The following IL7 variants were observed in gnomAD, a reference collection of about 807,000 sequenced individuals.
The protein encoded by IL7 is interleukin-7.
Under a neutral mutation model 21.6 loss-of-function variants are expected in IL7, and 3 were observed. The ratio of observed to expected loss-of-function variants is 0.14; its 90% CI spans 0.06 to 0.36. The LOEUF is 0.36. Among genes scored for constraint, IL7 ranks in the 10% least tolerant of loss-of-function variants. IL7 has a pLI of 1.00. For missense variants in IL7, 175 were observed against 200.2 expected, an observed-to-expected ratio of 0.87 and a Z score of 0.76; for synonymous variants, 62 against 68.1, an observed-to-expected ratio of 0.91 and a Z score of 0.44.
At chr8:78,774,639 T>C (rs1813071866) in intron 2 of IL7, among the ~76,000 whole-genome samples, 1 of 152,160 alleles carries the variant, frequency 6.6e-6, no homozygotes, top group African/African-American at 2.4e-5. Flanking sequence ...GCGTGTTTTC[T>C]AATACATGTC....
chr8:78,759,216 C>CTT (rs3071074), intron 2 of IL7, among the ~76,000 whole-genome samples: 16,523 of 131,814 alleles, frequency 0.13, 1,388 homozygotes, highest in African/African-American at 0.25. Flanking sequence ...CTGCTGGGTT[C>CTT]TTTTTTTTTT....
intron 4 of IL7, among the ~76,000 whole-genome samples, chr8:78,683,416 C>A (rs1402170021): frequency 6.6e-6 from 1 of 152,236 alleles, no homozygotes; most frequent in African/African-American, 2.4e-5. Flanking sequence ...GTGGGCTCAA[C>A]ACCATGTGGA....
At chr8:78,777,854 A>C (rs72661374) in intron 2 of IL7, among the ~76,000 whole-genome samples, 9,746 of 152,082 alleles carry the variant, frequency 0.064, 340 homozygotes, top group Middle Eastern at 0.092. Context: ...TTAATTCTAC[A>C]CTGCTGCAGT....
intron 1 of IL7, among the ~76,000 whole-genome samples, chr8:78,798,797 G>T (rs1466297032): frequency 1.3e-5 from 2 of 151,922 alleles, no homozygotes; most frequent in Non-Finnish European, 2.9e-5. Flanking sequence ...TGTATTTTGG[G>T]ACTACTCTCC....
At chr8:78,741,693 C>T (rs977236373) in intron 2 of IL7, among the ~76,000 whole-genome samples, 6 of 152,072 alleles carry the variant, frequency 3.9e-5, no homozygotes, top group Non-Finnish European at 8.8e-5. Flanking sequence ...TATTTTTTAC[C>T]TAATGCTTGA....
At chr8:78,689,341 A>C in intron 3 of IL7, 1 of 1,599,492 alleles carries the variant, frequency 6.3e-7, no homozygotes. Flanking sequence ...TTCTACAGAT[A>C]CCAAAGGAAA....
chr8:78,774,616 C>A (rs1169266249), intron 2 of IL7, among the ~76,000 whole-genome samples: 1 of 152,016 alleles, frequency 6.6e-6, no homozygotes, highest in East Asian at 1.9e-4. Context: ...ATTTAACTTA[C>A]ACCCATAACA....
chr8:78,775,383 A>G (rs1413213866), intron 2 of IL7, among the ~76,000 whole-genome samples: 2 of 152,122 alleles, frequency 1.3e-5, no homozygotes, highest in African/African-American at 2.4e-5. Flanking sequence ...TTATTATGGA[A>G]TTCATCCAGG....
chr8:78,732,152 T>C (rs1478706838), downstream of IL7, among the ~76,000 whole-genome samples: 4 of 152,092 alleles, frequency 2.6e-5, no homozygotes, highest in Non-Finnish European at 5.9e-5. Context: ...GAAAAGTCCA[T>C]CTGAAGAAAG....
intron 3 of IL7, among the ~76,000 whole-genome samples, chr8:78,690,270 T>C (rs77501914): frequency 0.037 from 5,630 of 152,302 alleles, 316 homozygotes; most frequent in African/African-American, 0.13. Flanking sequence ...TTTAAAATTT[T>C]CTTTGGCAGC....
chr8:78,742,157 CAA>C lies in IL7; in HGVS notation c.148-2077_148-2076del, dbSNP rs35093575. On this transcript the variant is annotated intron_variant, in intron 2 of 5. Transcript: ENST00000263851. ...TGAAACCCCATCTCTACTAAAAATA[CAA>C]AAAAAAAAAAAAAAATTAGCCGGGT... Among the ~76,000 whole-genome samples, 149 of 123,544 alleles carry C rather than the reference CAA, an allele frequency of 1.2e-3. 1 individual carries two copies. The East Asian group carries it at 0.015, about 12-fold the overall frequency. The allele number at this position is 123,544 out of a possible 152,430, so 81.0% of individuals were successfully genotyped here.
intron 2 of IL7, among the ~76,000 whole-genome samples, chr8:78,782,701 G>A (rs1813378143): frequency 6.6e-6 from 1 of 152,098 alleles, no homozygotes; most frequent in South Asian, 2.1e-4. Context: ...CAGGAGAACA[G>A]GATCAAAGAC....
At chr8:78,763,537 A>G (rs555785338) in intron 2 of IL7, among the ~76,000 whole-genome samples, 1 of 152,342 alleles carries the variant, frequency 6.6e-6, no homozygotes, top group South Asian at 2.1e-4. Flanking sequence ...ATAAACAAAT[A>G]TTATGAGCAA....
chr8:78,741,670 T>C (rs1203607149), intron 2 of IL7, among the ~76,000 whole-genome samples: 1 of 152,230 alleles, frequency 6.6e-6, no homozygotes, highest in Non-Finnish European at 1.5e-5. Context: ...AAGATAATGT[T>C]ATACCAGTTG....
rs185437180 is a variant in IL7, at chr8:78,686,679, A to G, written n.215-732T>C. ...AATGATAGAGTTTTTATAAATTTTC[A>G]CTTGTTAAGCTTAACTTACAATCAT... On this transcript the variant is annotated intron_variant and non_coding_transcript_variant, in intron 3 of 4. Transcript: ENST00000523959. 5.0e-4 allele frequency: 686 copies of G among 1,363,938 alleles called. 5 individuals are homozygous for G. The African/African-American group carries it at 9.1e-3, about 18-fold the overall frequency. 84.5% of individuals were successfully genotyped at this position (1,363,938 alleles called of 1,614,324 possible). A position where few individuals can be genotyped will look rare whatever the true frequency, so the allele number is the denominator to read the frequency against.
chr8:78,698,360 T>C, intron 3 of IL7: 1 of 1,438,932 alleles, frequency 6.9e-7, no homozygotes, highest in Non-Finnish European at 9.6e-7. Context: ...AGATGCTCTG[T>C]TTTATGTAAC....
intron 2 of IL7, among the ~76,000 whole-genome samples, chr8:78,791,274 A>G (rs979986602): frequency 6.6e-6 from 1 of 152,226 alleles, no homozygotes; most frequent in Non-Finnish European, 1.5e-5. Context: ...TAAAAATAAA[A>G]TTATATATCA....
chr8:78,720,635 T>C (rs1811220352), intron 5 of IL7, among the ~76,000 whole-genome samples: 1 of 151,852 alleles, frequency 6.6e-6, no homozygotes. Flanking sequence ...TTTTCTTTGT[T>C]TTGTTGTGAT....
chr8:78,720,859 G>T (rs1312821887), intron 5 of IL7, among the ~76,000 whole-genome samples: 1 of 151,830 alleles, frequency 6.6e-6, no homozygotes, highest in Non-Finnish European at 1.5e-5. Context: ...CCACAGTTTA[G>T]TAGGTTATAG....
Sources: allele counts gnomAD v4.1 joint callset (sites outside exome capture counted in the v4.1 genomes callset), GRCh38; gene constraint gnomAD v4.1.1; transcripts MANE v1.5; gene names NCBI Gene and HGNC (gene_info 2026-07-23, HGNC 2026-07-21).